The following RAB28 variants were observed in gnomAD, a reference collection of about 807,000 sequenced individuals.
The protein encoded by RAB28 is RAB28, member RAS oncogene family, also known as ras-related protein Rab-28.
RAB28 carries 24 observed loss-of-function variants against 31.7 expected under a neutral mutation model. The ratio of observed to expected loss-of-function variants is 0.76; its 90% CI spans 0.55 to 1.06. The LOEUF (loss-of-function observed/expected upper bound fraction) is 1.06. RAB28 is among the 50% of genes least tolerant of loss of function. The probability of loss-of-function intolerance (pLI) is 0.00; values close to 1 mark genes in which losing one functional copy is unlikely to be tolerated. For missense variants in RAB28, 254 were observed against 258.5 expected (o/e 0.98, Z 0.12); for synonymous variants, 100 against 90.4 (o/e 1.11, Z -0.60).
At position 13,376,591 on chromosome 4, in the gene RAB28, T is replaced by C. The variant is rs374687838; in HGVS notation, c.527A>G (p.Glu176Gly). 6.2e-5 allele frequency: 99 copies of C among 1,603,696 alleles called. No individual in the cohort carries two copies. The highest frequency in any genetic ancestry group is 1.3e-5 in the African/African-American group (1 of 74,662). Residue 176 changes from glutamate to glycine, a missense_variant, in exon 6 of 7, where the codon GAA (glutamate) becomes GGA (glycine). Glu to Gly is a moderately conservative substitution (Grantham distance 98). Transcript: ENST00000330852. ...VFLCFQKVAA[E>G]ILGIKLNKAE... ...TTTGTTTAATTTGATCCCAAGGATT[T>C]CAGCAGCAACTTTCTGAAAGCACAG...
intron 4 of RAB28, among the ~76,000 whole-genome samples, chr4:13,393,432 T>C (rs1399549185): frequency 6.6e-6 from 1 of 152,216 alleles, no homozygotes; most frequent in African/African-American, 2.4e-5. Context: ...TAGGTGATCA[T>C]CTACAAGTTA....
Position 13,479,787 on chromosome 4 carries a change from C to T in RAB28, c.76-261G>A, listed in dbSNP as rs531005954. ...CTGCTTGTCAAGATCCTTTTCCTTG[C>T]TGAAAATTAGAATTTGAGAGTTATC... On this transcript the variant is annotated intron_variant, in intron 1 of 6. Coordinates refer to ENST00000330852, the MANE Select transcript of RAB28 (RefSeq NM_001017979.3). Among the ~76,000 whole-genome samples, 6 of 150,730 alleles carry T rather than the reference C, an allele frequency of 4.0e-5. No homozygotes were observed. In the East Asian group the frequency reaches 9.8e-4, roughly 24 times the overall value.
At chr4:13,431,016 A>G (rs1032741746) in intron 4 of RAB28, among the ~76,000 whole-genome samples, 1 of 152,174 alleles carries the variant, frequency 6.6e-6, no homozygotes, top group African/African-American at 2.4e-5. Flanking sequence ...GCCACAGGCT[A>G]GTGGGCATGC....
chr4:13,386,960 G>A (rs113808416), intron 4 of RAB28, among the ~76,000 whole-genome samples: 3 of 152,060 alleles, frequency 2.0e-5, no homozygotes, highest in African/African-American at 7.2e-5. Context: ...GGATGGACCT[G>A]GAGACCATTA....
chr4:13,418,359 C>T (rs1416121827), intron 4 of RAB28, among the ~76,000 whole-genome samples: 2 of 152,114 alleles, frequency 1.3e-5, no homozygotes, highest in African/African-American at 2.4e-5. Flanking sequence ...ACTTCCCCAA[C>T]CCAGCAAGGC....
intron 4 of RAB28, among the ~76,000 whole-genome samples, chr4:13,428,798 T>C (rs9291611): frequency 0.014 from 2,097 of 152,086 alleles, 42 homozygotes; most frequent in African/African-American, 0.048. Flanking sequence ...TCCAGGAAGT[T>C]CAGCAAATTC....
intron 4 of RAB28, among the ~76,000 whole-genome samples, chr4:13,443,625 C>T (rs548460930): frequency 6.6e-6 from 1 of 152,246 alleles, no homozygotes; most frequent in East Asian, 1.9e-4. Flanking sequence ...TACTTGTAAA[C>T]AATTAAATCA....
At chr4:13,429,620 A>G (rs1052062744) in intron 4 of RAB28, among the ~76,000 whole-genome samples, 1 of 152,226 alleles carries the variant, frequency 6.6e-6, no homozygotes, top group African/African-American at 2.4e-5. Context: ...AAACATTGAA[A>G]GAAATTATTT....
intron 1 of RAB28, among the ~76,000 whole-genome samples, chr4:13,481,276 T>C (rs901703885): frequency 8.5e-5 from 13 of 152,058 alleles, no homozygotes; most frequent in African/African-American, 1.2e-4. Context: ...AAATACAGGT[T>C]ACTGGGAACA....
chr4:13,424,109 A>G (rs1359318257), intron 4 of RAB28, among the ~76,000 whole-genome samples: 2 of 152,234 alleles, frequency 1.3e-5, no homozygotes, highest in African/African-American at 2.4e-5. Flanking sequence ...TGAAAAAACG[A>G]AAAGTTTTTT....
chr4:13,465,801 CATACTACTTGATTTG>C (rs916828349), intron 3 of RAB28, among the ~76,000 whole-genome samples: 46 of 145,794 alleles, frequency 3.2e-4, no homozygotes, highest in Non-Finnish European at 4.6e-4. Flanking sequence ...CTGCAGGCAT[CATACTACTTGATTTG>C]AAACTATACT....
chr4:13,482,502 A>T (rs1383962679), intron 1 of RAB28, among the ~76,000 whole-genome samples: 1 of 152,214 alleles, frequency 6.6e-6, no homozygotes, highest in African/African-American at 2.4e-5. Flanking sequence ...GTAAAATTTA[A>T]GAGCCAAAAC....
intron 5 of RAB28, among the ~76,000 whole-genome samples, chr4:13,381,014 A>G (rs1352144804): frequency 6.6e-6 from 1 of 152,050 alleles, no homozygotes; most frequent in Non-Finnish European, 1.5e-5. Context: ...CCAGAGTGTC[A>G]CTATTTGCCT....
intron 4 of RAB28, among the ~76,000 whole-genome samples, chr4:13,417,460 G>A (rs987357108): frequency 6.6e-6 from 1 of 152,196 alleles, no homozygotes; most frequent in Non-Finnish European, 1.5e-5. Flanking sequence ...TGACCCCTAT[G>A]TAGCCTAACT....
At chr4:13,371,493 G>A (rs1356637043) in intron 6 of RAB28, 3 of 985,140 alleles carry the variant, frequency 3.0e-6, no homozygotes, top group East Asian at 1.1e-4. Flanking sequence ...AAACATTTTG[G>A]TCCAAGTACT....
chr4:13,371,386 A>T, intron 6 of RAB28: 1 of 985,336 alleles, frequency 1.0e-6, no homozygotes, highest in Non-Finnish European at 1.2e-6. Context: ...CAATGAAGAG[A>T]TGGGATTTTC....
chr4:13,384,555 G>C (rs901803542), intron 4 of RAB28, among the ~76,000 whole-genome samples: 1 of 152,172 alleles, frequency 6.6e-6, no homozygotes, highest in African/African-American at 2.4e-5. Flanking sequence ...ATCTGGGGCT[G>C]GATACAAGTC....
intron 4 of RAB28, among the ~76,000 whole-genome samples, chr4:13,395,289 A>G (rs535778212): frequency 1.8e-4 from 28 of 152,176 alleles, no homozygotes; most frequent in Non-Finnish European, 3.4e-4. Context: ...AGCATTACAG[A>G]ACATGATATG....
At chr4:13,457,384 T>C (rs773168474) in intron 4 of RAB28, among the ~76,000 whole-genome samples, 2 of 152,178 alleles carry the variant, frequency 1.3e-5, no homozygotes, top group African/African-American at 4.8e-5. Flanking sequence ...AAAGCCCTAA[T>C]AGGCTTAACT....
Sources: allele counts gnomAD v4.1 joint callset (sites outside exome capture counted in the v4.1 genomes callset), GRCh38; gene constraint gnomAD v4.1.1; transcripts MANE v1.5; gene names NCBI Gene and HGNC (gene_info 2026-07-23, HGNC 2026-07-21).